The following DAB1 variants were observed in gnomAD, a reference collection of about 807,000 sequenced individuals.
DAB1 encodes DAB adaptor protein 1, also known as disabled homolog 1.
In DAB1, 15 loss-of-function variants were observed where a neutral mutation model predicts 64.6. That is an observed-to-expected ratio of 0.23 (90% CI 0.16 to 0.36). The LOEUF (loss-of-function observed/expected upper bound fraction) is 0.36. Among genes scored for constraint, DAB1 ranks in the 10% least tolerant of loss-of-function variants. The pLI is 1.00. For synonymous variants in DAB1, 235 were observed against 251.9 expected (o/e 0.93, Z 0.64); for missense variants, 596 against 706.7 (o/e 0.84, Z 1.78).
chr1:57,227,519 T>TTGTGTGTGTGTG (rs57671970), intron 2 of DAB1, among the ~76,000 whole-genome samples: 30 of 135,810 alleles, frequency 2.2e-4, no homozygotes, highest in East Asian at 9.1e-4. Context: ...TTTTTTTCTT[T>TTGTGTGTGTGTG]TGTGTGTGTG....
At chr1:57,640,008 C>G (rs1646108898) in intron 7 of DAB1, among the ~76,000 whole-genome samples, 1 of 152,184 alleles carries the variant, frequency 6.6e-6, no homozygotes, top group African/African-American at 2.4e-5. Flanking sequence ...AAGTTGGAAG[C>G]TCTTGGTTTC....
At chr1:58,299,811 C>G (rs535327769) in intron 4 of DAB1, among the ~76,000 whole-genome samples, 9 of 152,148 alleles carry the variant, frequency 5.9e-5, no homozygotes, top group Non-Finnish European at 1.0e-4. Context: ...GTCTTCTTGC[C>G]TACCAAAGAC....
intron 4 of DAB1, among the ~76,000 whole-genome samples, chr1:58,213,291 G>T (rs1233185298): frequency 6.6e-6 from 1 of 152,134 alleles, no homozygotes; most frequent in Non-Finnish European, 1.5e-5. Context: ...CATAAAGAGA[G>T]ATTTTAAGTC....
chr1:58,410,730 C>T (rs1444848151), intron 3 of DAB1, among the ~76,000 whole-genome samples: 1 of 152,138 alleles, frequency 6.6e-6, no homozygotes, highest in Non-Finnish European at 1.5e-5. Context: ...TTAGAAGTAA[C>T]CCAGGTTTGA....
intron 2 of DAB1, among the ~76,000 whole-genome samples, chr1:57,266,645 TA>T (rs1451545283): frequency 6.6e-6 from 1 of 152,228 alleles, no homozygotes; most frequent in Non-Finnish European, 1.5e-5. Flanking sequence ...AACACTGTTT[TA>T]TATTTAATAT....
intron 7 of DAB1, among the ~76,000 whole-genome samples, chr1:57,502,697 T>A (rs1256056491): frequency 6.6e-6 from 1 of 152,214 alleles, no homozygotes; most frequent in Non-Finnish European, 1.5e-5. Context: ...TTAACAAGTC[T>A]GTCTGATGGA....
At chr1:58,005,172 G>A (rs1646562860) in intron 5 of DAB1, among the ~76,000 whole-genome samples, 1 of 152,114 alleles carries the variant, frequency 6.6e-6, no homozygotes, top group African/African-American at 2.4e-5. Context: ...TCCCAGGTGT[G>A]TAACCATCAC....
rs117042766 is a variant in DAB1 at position 57,489,632 on chromosome 1, G to A, written n.625+159960C>T. On this transcript the variant is annotated intron_variant and non_coding_transcript_variant, in intron 7 of 20. Coordinates refer to the DAB1 transcript ENST00000485760. ...TAACTGATTGTTATATCCCCACAGTGTCTAACCCAGGGCCTATCTTTTGCC... is the reference window on the plus strand; with the variant it reads ...TAACTGATTGTTATATCCCCACAGTATCTAACCCAGGGCCTATCTTTTGCC... Among the ~76,000 whole-genome samples, 95 of 151,978 alleles carry A rather than the reference G, an allele frequency of 6.3e-4. 1 individual carries two copies. The East Asian group carries it at 0.015, about 23-fold the overall frequency.
intron 5 of DAB1, among the ~76,000 whole-genome samples, chr1:57,901,275 G>C (rs1029301351): frequency 1.8e-4 from 28 of 152,076 alleles, no homozygotes; most frequent in Non-Finnish European, 7.4e-5. Flanking sequence ...CCCCACACCT[G>C]CTGCGGGTTC....
At chr1:57,129,021 A>G (rs1657409113) in intron 4 of DAB1, among the ~76,000 whole-genome samples, 2 of 152,126 alleles carry the variant, frequency 1.3e-5, no homozygotes, top group Admixed American at 6.6e-5. Context: ...TAATGGGAGG[A>G]GTGGCTTCTT....
At chr1:57,157,441 C>T (rs966093408) in intron 2 of DAB1, among the ~76,000 whole-genome samples, 3 of 152,150 alleles carry the variant, frequency 2.0e-5, no homozygotes, top group African/African-American at 4.8e-5. Flanking sequence ...TCTCATGGTT[C>T]TGGAGGCTGA....
chr1:57,192,519 T>C (rs941905800), intron 2 of DAB1, among the ~76,000 whole-genome samples: 1 of 152,208 alleles, frequency 6.6e-6, no homozygotes, highest in Admixed American at 6.5e-5. Flanking sequence ...AAAGGAGCAC[T>C]GTAAGGGTTC....
chr1:57,551,148 C>T (rs1003612368), intron 7 of DAB1, among the ~76,000 whole-genome samples: 5 of 152,174 alleles, frequency 3.3e-5, no homozygotes, highest in Non-Finnish European at 5.9e-5. Context: ...GACAATAGCA[C>T]GTTCGTCTTG....
intron 3 of DAB1, among the ~76,000 whole-genome samples, chr1:57,144,310 C>A (rs892450409): frequency 2.6e-5 from 4 of 151,854 alleles, no homozygotes; most frequent in East Asian, 3.9e-4. Context: ...TTAAAAGAAA[C>A]AATATATGGA....
chr1:57,087,630 G>A (rs1477348450), intron 4 of DAB1, among the ~76,000 whole-genome samples: 2 of 152,136 alleles, frequency 1.3e-5, no homozygotes, highest in Non-Finnish European at 2.9e-5. Flanking sequence ...AAATGTGGAA[G>A]CCTGTGCCTG....
At chr1:57,330,261 A>G (rs1676542971) in intron 1 of DAB1, among the ~76,000 whole-genome samples, 1 of 152,184 alleles carries the variant, frequency 6.6e-6, no homozygotes, top group Non-Finnish European at 1.5e-5. Flanking sequence ...ATAAATAAAT[A>G]AATAACTCCA....
chr1:58,506,358 A>G, intron 2 of DAB1: 2 of 542,532 alleles, frequency 3.7e-6, no homozygotes, highest in Non-Finnish European at 6.5e-6. Flanking sequence ...ACATACGTAT[A>G]CATGTGCCAT....
chr1:58,268,689 C>A (rs1661234220), intron 4 of DAB1, among the ~76,000 whole-genome samples: 1 of 152,164 alleles, frequency 6.6e-6, no homozygotes, highest in African/African-American at 2.4e-5. Context: ...GATGTAAATA[C>A]TGCCCAGAGC....
chr1:57,359,702 G>A (rs901188723), intron 1 of DAB1, among the ~76,000 whole-genome samples: 6 of 151,718 alleles, frequency 4.0e-5, no homozygotes, highest in African/African-American at 1.2e-4. Flanking sequence ...GTCCATCAAG[G>A]ATAAATAAAT....
Sources: allele counts gnomAD v4.1 joint callset (sites outside exome capture counted in the v4.1 genomes callset), GRCh38; gene constraint gnomAD v4.1.1; transcripts MANE v1.5; gene names NCBI Gene and HGNC (gene_info 2026-07-23, HGNC 2026-07-21).